The following SLC35F3 variants were observed in gnomAD, a reference collection of about 807,000 sequenced individuals.
The protein encoded by SLC35F3 is putative thiamine transporter SLC35F3.
Under a neutral mutation model 49.9 loss-of-function variants are expected in SLC35F3, and 25 were observed. The ratio of observed to expected loss-of-function variants is 0.50; its 90% confidence interval spans 0.37 to 0.70. The LOEUF (loss-of-function observed/expected upper bound fraction) is 0.70, where lower values mean the gene tolerates loss of function less well. Ranked by LOEUF, SLC35F3 falls within the 30% of genes least tolerant of loss-of-function variation. The pLI is 0.00. For missense variants in SLC35F3, 525 were observed against 639.8 expected, an observed-to-expected ratio of 0.82 and a Z score of 1.94; for synonymous variants, 275 against 265.4, an observed-to-expected ratio of 1.04 and a Z score of -0.35.
intron 2 of SLC35F3, among the ~76,000 whole-genome samples, chr1:234,028,977 C>T (rs1168513315): frequency 2.6e-5 from 4 of 152,196 alleles, no homozygotes; most frequent in Non-Finnish European, 5.9e-5. Flanking sequence ...CTTGAATGAA[C>T]TCAGGCATGA....
At chr1:234,122,856 T>G (rs1281738979) in intron 2 of SLC35F3, among the ~76,000 whole-genome samples, 1 of 152,258 alleles carries the variant, frequency 6.6e-6, no homozygotes, top group East Asian at 1.9e-4. Flanking sequence ...GTTTTCTTTA[T>G]GCAGTCTATC....
chr1:233,920,976 C>G (rs1019106879), intron 2 of SLC35F3, among the ~76,000 whole-genome samples: 6 of 152,190 alleles, frequency 3.9e-5, no homozygotes, highest in Non-Finnish European at 8.8e-5. Context: ...TTTGTGATAC[C>G]CTAAACAGAG....
At chr1:234,183,623 G>A (rs1332021500) in intron 2 of SLC35F3, among the ~76,000 whole-genome samples, 1 of 142,664 alleles carries the variant, frequency 7.0e-6, no homozygotes, top group Non-Finnish European at 1.5e-5. Flanking sequence ...TGGCCTGGTC[G>A]ACTGAGTCCT....
intron 2 of SLC35F3, among the ~76,000 whole-genome samples, chr1:234,089,667 G>A (rs1558226325): frequency 6.6e-6 from 1 of 152,170 alleles, no homozygotes; most frequent in Non-Finnish European, 1.5e-5. Context: ...GGGCTTTTTA[G>A]AAGTTTCCAC....
chr1:234,318,880 T>C lies in SLC35F3; in HGVS notation c.1084T>C (p.Tyr362His). 1 of 1,614,218 alleles carries C rather than the reference T, an allele frequency of 6.2e-7. No individual in the cohort carries two copies. The highest frequency in any genetic ancestry group is 8.5e-7 in the Non-Finnish European group (1 of 1,180,012). The change falls in exon 6 of 8, where the codon TAC becomes CAC. Residue 362 changes from tyrosine (Y) to histidine (H), a missense_variant. Physicochemically the swap from Tyr to His is moderately conservative, Grantham distance 83. This residue lies in a region of SLC35F3 where 216 missense variants were observed against 298.1 expected (regional missense o/e 0.72). Transcript: ENST00000366618. ...PIILYFTKVEYWSSFDDIPWG... is the reference protein window; with the variant it reads ...PIILYFTKVEHWSSFDDIPWG... ...TATCCTCTACTTTACCAAAGTGGAATACTGGAGCTCTTTTGATGACATTCC... is the reference window on the plus strand; with the variant it reads ...TATCCTCTACTTTACCAAAGTGGAACACTGGAGCTCTTTTGATGACATTCC...
At chr1:234,040,845 T>C (rs923125888) in intron 2 of SLC35F3, among the ~76,000 whole-genome samples, 1 of 152,148 alleles carries the variant, frequency 6.6e-6, no homozygotes, top group Non-Finnish European at 1.5e-5. Context: ...TGAAAAAAGA[T>C]TCAAAAGAAA....
chr1:234,313,432 G>T (rs1657408182), intron 4 of SLC35F3, among the ~76,000 whole-genome samples: 1 of 152,176 alleles, frequency 6.6e-6, no homozygotes, highest in Non-Finnish European at 1.5e-5. Flanking sequence ...GGGTCACCAT[G>T]CTGGATGAGG....
chr1:234,204,379 A>T (rs1161615599), intron 2 of SLC35F3, among the ~76,000 whole-genome samples: 2 of 152,210 alleles, frequency 1.3e-5, no homozygotes, highest in African/African-American at 4.8e-5. Flanking sequence ...AATTTGGTCT[A>T]GATCATGTTG....
chr1:234,230,687 A>G (rs543628383), intron 2 of SLC35F3, among the ~76,000 whole-genome samples: 1 of 152,318 alleles, frequency 6.6e-6, no homozygotes, highest in South Asian at 2.1e-4. Flanking sequence ...GGTTTCCAGA[A>G]ATCACACCGC....
At chr1:234,181,781 T>G (rs1195477776) in intron 2 of SLC35F3, among the ~76,000 whole-genome samples, 1 of 152,236 alleles carries the variant, frequency 6.6e-6, no homozygotes, top group Non-Finnish European at 1.5e-5. Flanking sequence ...TGGTTTTTTC[T>G]TTATTTCTTT....
chr1:234,054,562 A>C lies in SLC35F3; in HGVS notation c.283+148804A>C, dbSNP rs144724047. The stretch of plus-strand genomic sequence containing the variant: ...CATCTAATGTTTTTTCAAGGTTTTT[A>C]GCTTCTTTGTGATGGGTTCGAACAT... On this transcript the variant is annotated intron_variant, in intron 2 of 7. Transcript: ENST00000366618. Among the ~76,000 whole-genome samples the C allele has an allele frequency of 7.6e-3, 1,161 of 152,208 alleles. 8 individuals carry two copies. Among genetic ancestry groups the C allele is most frequent in the Non-Finnish European group, 0.01 (714 of 68,008 alleles).
At chr1:234,272,433 C>T (rs1262125608) in intron 3 of SLC35F3, 2 of 152,208 alleles carry the variant, frequency 1.3e-5, no homozygotes, top group Admixed American at 1.3e-4. Flanking sequence ...TTTGGAGTAA[C>T]ATCTTCATCT....
chr1:234,013,982 C>T (rs1039747850), intron 2 of SLC35F3, among the ~76,000 whole-genome samples: 5 of 152,082 alleles, frequency 3.3e-5, no homozygotes, highest in Admixed American at 6.5e-5. Flanking sequence ...AAGAGGTGAA[C>T]TCATTTTTTA....
intron 2 of SLC35F3, among the ~76,000 whole-genome samples, chr1:233,976,632 A>G (rs1414707719): frequency 6.6e-6 from 1 of 151,472 alleles, no homozygotes; most frequent in African/African-American, 2.4e-5. Flanking sequence ...TTTTCTTGAG[A>G]TGGAGTTTCA....
chr1:234,163,457 CAGAG>C (rs1212177849), intron 2 of SLC35F3, among the ~76,000 whole-genome samples: 16 of 152,060 alleles, frequency 1.1e-4, no homozygotes, highest in Non-Finnish European at 1.3e-4. Flanking sequence ...GTTGCTGAGA[CAGAG>C]TGAGTGAGTG....
Position 233,915,312 on chromosome 1 carries a change from G to A in SLC35F3, c.283+9554G>A, listed in dbSNP as rs78382862. Among the ~76,000 whole-genome samples, 1,096 of 152,328 alleles carry A rather than the reference G, an allele frequency of 7.2e-3. 14 individuals are homozygous for A. The highest frequency in any genetic ancestry group is 0.025 in the African/African-American group (1,026 of 41,568). On this transcript the variant is annotated intron_variant, in intron 2 of 7. Transcript: ENST00000366618. ...AGGGTCAGAAGAAAAATGTTTCTTA[G>A]TGTATGTCAATTTCGCTACCTTACT...
chr1:234,242,422 G>A (rs1470107613), intron 3 of SLC35F3, among the ~76,000 whole-genome samples: 1 of 152,228 alleles, frequency 6.6e-6, no homozygotes, highest in African/African-American at 2.4e-5. Context: ...CCAGCTGTGA[G>A]TGGGTTCACT....
chr1:233,967,122 A>G (rs1284495452), intron 2 of SLC35F3, among the ~76,000 whole-genome samples: 1 of 152,166 alleles, frequency 6.6e-6, no homozygotes, highest in Non-Finnish European at 1.5e-5. Context: ...TATGTCAAAT[A>G]TTGCTTGGGA....
chr1:233,965,017 C>G (rs1266543040), intron 2 of SLC35F3, among the ~76,000 whole-genome samples: 1 of 152,144 alleles, frequency 6.6e-6, no homozygotes, highest in African/African-American at 2.4e-5. Context: ...GTTGTCATTG[C>G]AATTGGACTC....
Sources: gnomAD v4.1 joint callset for allele counts (sites outside exome capture counted in the v4.1 genomes callset) on GRCh38, gnomAD v4.1.1 for gene constraint, gnomAD v4.1.1 regional missense constraint, MANE v1.5 for transcripts, NCBI Gene and HGNC (gene_info 2026-07-23, HGNC 2026-07-21) for gene names.